MACF1: variants seen among roughly 807,000 people sequenced by gnomAD.
MACF1 encodes the protein microtubule-actin cross-linking factor 1.
In MACF1, 193 loss-of-function variants were observed where a neutral mutation model predicts 854.8. The ratio of observed to expected loss-of-function variants is 0.23; its 90% CI spans 0.20 to 0.25. The LOEUF is 0.25. Among genes scored for constraint, MACF1 ranks in the 10% least tolerant of loss-of-function variants. The pLI is 1.00. For synonymous variants in MACF1, 3,185 were observed against 3,226.7 expected (o/e 0.99, Z 0.44); for missense variants, 7,722 against 8,929.1 (o/e 0.86, Z 5.45).
In MACF1 at chr1:39,432,659, G is replaced by T; in HGVS notation, c.17457+5G>T. 6.2e-7 allele frequency: 1 copy of T among 1,612,950 alleles called. No homozygotes were observed. Among genetic ancestry groups the T allele is most frequent in the South Asian group, 1.1e-5 (1 of 90,868 alleles). On this transcript the variant is annotated splice_donor_5th_base_variant and intron_variant, in intron 67 of 100. Coordinates refer to ENST00000564288, the MANE Select transcript of MACF1 (RefSeq NM_001394062.1). The stretch of plus-strand genomic sequence containing the variant: ...GCTCAGCTTCAGGTACAGAAGGTAC[G>T]TGCCCACTCTTTCCTGAGCTAATAG...
intron 1 of MACF1, among the ~76,000 whole-genome samples, chr1:39,209,039 G>C (rs1644486246): frequency 6.6e-6 from 1 of 151,026 alleles, no homozygotes; most frequent in African/African-American, 2.4e-5. Flanking sequence ...ATCACCTGAG[G>C]TCAGGAGTTC....
intron 2 of MACF1, among the ~76,000 whole-genome samples, chr1:39,232,742 CTTTGT>C (rs1286324539): frequency 5.4e-5 from 3 of 55,916 alleles, no homozygotes; most frequent in African/African-American, 1.5e-4. Context: ...CTCATACTCT[CTTTGT>C]TTTTTTTTTT....
chr1:39,141,537 T>G, intron 2 of MACF1, among the ~76,000 whole-genome samples: 1 of 152,318 alleles, frequency 6.6e-6, no homozygotes, highest in African/African-American at 2.4e-5. Flanking sequence ...CTGTAAAGTG[T>G]TTTACTGTTA....
At chr1:39,226,805 C>T (rs1644721901) in intron 1 of MACF1, among the ~76,000 whole-genome samples, 1 of 151,708 alleles carries the variant, frequency 6.6e-6, no homozygotes, top group African/African-American at 2.4e-5. Flanking sequence ...TGTTGTTTGA[C>T]CTATTACAGC....
At chr1:39,291,788 T>C in intron 15 of MACF1, 122 bp from the exon 16 acceptor site, 1 of 904,418 alleles carries the variant, frequency 1.1e-6, no homozygotes. Flanking sequence ...TTGAAGGAGA[T>C]GGCCTGGATG....
At chr1:39,254,166 A>G in intron 4 of MACF1, 132 bp from the exon 5 acceptor site, 1 of 726,204 alleles carries the variant, frequency 1.4e-6, no homozygotes, top group East Asian at 2.7e-5. Context: ...TGCTTTGTGT[A>G]ATGCTCCCAG....
intron 2 of MACF1, among the ~76,000 whole-genome samples, chr1:39,085,736 C>T (rs973953916): frequency 6.6e-6 from 1 of 152,130 alleles, no homozygotes; most frequent in Non-Finnish European, 1.5e-5. Context: ...ACCTTTGGCC[C>T]CTCATTGCCT....
In MACF1 at chr1:39,311,057, T is replaced by C. The variant is rs575256359; in HGVS notation, c.3270+57T>C. 4.4e-4 allele frequency: 694 copies of C among 1,562,922 alleles called. 1 individual carries two copies. Among genetic ancestry groups the C allele is most frequent in the Non-Finnish European group, 5.7e-4 (657 of 1,151,634 alleles). On this transcript the variant is annotated intron_variant, in intron 26 of 100. Transcript: ENST00000564288. ...GTGGAGTGAATGCTTTCAGAGTTCATTGGATGGCAAGAGTATGGCACCTAA... is the reference window on the plus strand; with the variant it reads ...GTGGAGTGAATGCTTTCAGAGTTCACTGGATGGCAAGAGTATGGCACCTAA...
intron 72 of MACF1, among the ~76,000 whole-genome samples, 167 bp downstream of exon 72, chr1:39,439,667 A>G (rs1042016436): frequency 6.6e-6 from 1 of 152,200 alleles, no homozygotes; most frequent in Admixed American, 6.5e-5. Context: ...GTGCAATGGC[A>G]TGATCTTGAC....
At chr1:39,423,997 G>T in intron 60 of MACF1, 31 bp from the exon 61 acceptor site, 1 of 1,561,996 alleles carries the variant, frequency 6.4e-7, no homozygotes, top group African/African-American at 1.4e-5. Context: ...AAATGATCCT[G>T]TGTTACAGCT....
Position 39,447,778 on chromosome 1 carries a change from G to A in MACF1, c.19848G>A (p.Lys6616=). ...ATCAATTAAAGTTCCTTAGCCAAAAGCAGGATGTTGTTCTGATCAAGAATT... is the reference window on the plus strand; with the variant it reads ...ATCAATTAAAGTTCCTTAGCCAAAAACAGGATGTTGTTCTGATCAAGAATT... ...TGNQLKFLSQ[K]QDVVLIKNLL... Residue 6616 remains lysine, a synonymous_variant, in exon 82 of 101, where the codon AAG becomes AAA. Coordinates refer to ENST00000564288, the MANE Select transcript of MACF1 (RefSeq NM_001394062.1). The A allele has an allele frequency of 6.2e-7, 1 of 1,614,120 alleles. No individual in the cohort carries two copies. Among genetic ancestry groups the A allele is most frequent in the East Asian group, 2.2e-5 (1 of 44,886 alleles).
intron 2 of MACF1, among the ~76,000 whole-genome samples, chr1:39,147,554 C>T (rs1445038605): frequency 6.7e-6 from 1 of 149,658 alleles, no homozygotes; most frequent in Non-Finnish European, 1.5e-5. Context: ...GGGTCTTGCT[C>T]TGTTGCCCAG....
At chr1:39,245,290 T>TTTA (rs1318144703) in intron 2 of MACF1, among the ~76,000 whole-genome samples, 2 of 152,102 alleles carry the variant, frequency 1.3e-5, no homozygotes, top group East Asian at 1.9e-4. Context: ...GCAATTTATT[T>TTTA]TTATTATTAT....
chr1:39,337,148 C>A, intron 37 of MACF1, 34 bp from the exon 38 acceptor site: 1 of 1,595,214 alleles, frequency 6.3e-7, no homozygotes. Context: ...AGGAGAACGT[C>A]AGAACTGAGT....
At chr1:39,176,109 CAAAAA>C (rs773763271) in intron 2 of MACF1, among the ~76,000 whole-genome samples, 5 of 13,324 alleles carry the variant, frequency 3.8e-4, no homozygotes, top group African/African-American at 4.7e-4. Flanking sequence ...GACTCCTTCT[CAAAAA>C]AAAAAAAAAA....
chr1:39,315,580 T>G lies in MACF1; in HGVS notation c.3338T>G (p.Phe1113Cys). The G allele has an allele frequency of 6.2e-7, 1 of 1,614,154 alleles. No individual in the cohort carries two copies. The highest frequency in any genetic ancestry group is 8.5e-7 in the Non-Finnish European group (1 of 1,180,008). ...GCAGTTTCTATGAAATGTGACAGCT[T>G]TCTCCATCAGTCTCCATCTAGTTCA... ...LDAVSMKCDS[F>C]LHQSPSSSSV... The change falls in exon 27 of 101, where the codon TTT becomes TGT. Residue 1113 changes from phenylalanine to cysteine, a missense_variant. Around this residue, in one of 15 missense-constraint regions of MACF1, gnomAD observed 1,137 missense variants for 1,263.0 expected, o/e 0.90. Coordinates refer to ENST00000564288, the MANE Select transcript of MACF1 (RefSeq NM_001394062.1).
chr1:39,296,236 G>A (rs531012001), intron 20 of MACF1, among the ~76,000 whole-genome samples: 1 of 152,252 alleles, frequency 6.6e-6, no homozygotes, highest in African/African-American at 2.4e-5. Context: ...TGTTTCATAA[G>A]CAGCAAGAGA....
intron 2 of MACF1, among the ~76,000 whole-genome samples, chr1:39,179,521 GGT>G (rs1644076335): frequency 6.6e-6 from 1 of 152,114 alleles, no homozygotes; most frequent in Non-Finnish European, 1.5e-5. Context: ...GTAAAATGGA[GGT>G]GATAATTTCT....
At chr1:39,327,172 A>AT (rs1557589322) in intron 35 of MACF1, 46 bp from the exon 36 acceptor site, 2 of 1,511,366 alleles carry the variant, frequency 1.3e-6, no homozygotes, top group African/African-American at 1.4e-5. Flanking sequence ...GAGTTTGGAG[A>AT]TTGTTTTTTT....
Sources: gnomAD v4.1 joint callset for allele counts (sites outside exome capture counted in the v4.1 genomes callset) on GRCh38, gnomAD v4.1.1 for gene constraint, gnomAD v4.1.1 regional missense constraint, MANE v1.5 for transcripts, NCBI Gene and HGNC (gene_info 2026-07-23, HGNC 2026-07-21) for gene names.